The following KMT2C variants were observed in gnomAD, a reference collection of about 807,000 sequenced individuals.
KMT2C encodes the protein lysine methyltransferase 2C.
KMT2C carries 88 observed loss-of-function variants against 507.9 expected under a neutral mutation model. The observed-to-expected ratio is 0.17, with a 90% CI of 0.15 to 0.21. The LOEUF (loss-of-function observed/expected upper bound fraction) is 0.21. KMT2C is among the 10% of genes least tolerant of loss of function. The pLI is 1.00. For synonymous variants in KMT2C, 2,049 were observed against 2,080.8 expected (o/e 0.98, Z 0.42); for missense variants, 4,954 against 5,957.8 (o/e 0.83, Z 5.55).
intron 1 of KMT2C, among the ~76,000 whole-genome samples, chr7:152,430,500 C>G (rs528616463): frequency 4.5e-4 from 68 of 152,308 alleles, no homozygotes; most frequent in African/African-American, 1.6e-3. Flanking sequence ...GTATCTAACA[C>G]GTCCCCACCA....
intron 44 of KMT2C, among the ~76,000 whole-genome samples, 158 bp from the exon 45 acceptor site, chr7:152,156,504 C>G (rs978885859): frequency 1.3e-5 from 2 of 152,110 alleles, no homozygotes; most frequent in African/African-American, 4.8e-5. Flanking sequence ...CCTACAAGGC[C>G]AGGAGGCTTC....
At chr7:152,223,092 T>C (rs1346338255) in intron 20 of KMT2C, among the ~76,000 whole-genome samples, 2 of 152,218 alleles carry the variant, frequency 1.3e-5, no homozygotes, top group African/African-American at 4.8e-5. Context: ...CGATGTTGAA[T>C]GGTAATCGGG....
chr7:152,216,193 C>A (rs911872391), intron 23 of KMT2C, among the ~76,000 whole-genome samples: 3 of 152,150 alleles, frequency 2.0e-5, no homozygotes, highest in Non-Finnish European at 4.4e-5. Flanking sequence ...ACTCTTGAGA[C>A]AAACAGAGTG....
At chr7:152,379,200 C>A (rs1288797758) in intron 1 of KMT2C, among the ~76,000 whole-genome samples, 2 of 152,016 alleles carry the variant, frequency 1.3e-5, no homozygotes, top group African/African-American at 4.8e-5. Context: ...TCTTTTCATT[C>A]TTTCAGTTGA....
chr7:152,154,198 A>T (rs1244489524), intron 47 of KMT2C, 52 bp from the exon 48 acceptor site: 1 of 1,611,084 alleles, frequency 6.2e-7, no homozygotes. Context: ...GATTTTCAAA[A>T]TCAAAATATT....
chr7:152,357,759 G>T (rs2097164181), intron 2 of KMT2C, among the ~76,000 whole-genome samples: 1 of 152,116 alleles, frequency 6.6e-6, no homozygotes, highest in East Asian at 1.9e-4. Context: ...TAGATTATTT[G>T]AAGGCTTTCC....
At chr7:152,321,876 T>C (rs1463224941) in intron 3 of KMT2C, among the ~76,000 whole-genome samples, 3 of 151,886 alleles carry the variant, frequency 2.0e-5, no homozygotes, top group Non-Finnish European at 4.4e-5. Flanking sequence ...CAATGCAATA[T>C]CTATCGAAAT....
intron 18 of KMT2C, among the ~76,000 whole-genome samples, chr7:152,225,307 C>A (rs1291455279): frequency 6.6e-6 from 1 of 152,086 alleles, no homozygotes; most frequent in Non-Finnish European, 1.5e-5. Flanking sequence ...AATAAAACAG[C>A]AAGTAATGAG....
At chr7:152,348,599 T>TAA (rs201530125) in intron 2 of KMT2C, among the ~76,000 whole-genome samples, 2,989 of 48,752 alleles carry the variant, frequency 0.061, 73 homozygotes, top group Middle Eastern at 0.091. Flanking sequence ...AACTCTGTCT[T>TAA]AAAAAAAAAA....
At chr7:152,356,564 C>T (rs897252446) in intron 2 of KMT2C, among the ~76,000 whole-genome samples, 2 of 146,220 alleles carry the variant, frequency 1.4e-5, no homozygotes, top group African/African-American at 2.5e-5. Context: ...GAACAAAGGA[C>T]GAAACTCTGT....
chr7:152,259,774 A>AGCCCT (rs1225369677), intron 9 of KMT2C, among the ~76,000 whole-genome samples: 1 of 152,224 alleles, frequency 6.6e-6, no homozygotes, highest in Non-Finnish European at 1.5e-5. Context: ...CTAGACTGAC[A>AGCCCT]GCCCTGTGGG....
Position 152,220,702 on chromosome 7 carries a change from C to A in KMT2C, c.3533G>T (p.Cys1178Phe), listed in dbSNP as rs2129145735. The change falls in exon 23 of 59, where the codon TGT becomes TTT. Residue 1178 changes from cysteine (C) to phenylalanine (F), a missense_variant. By Grantham distance (205) the Cys-to-Phe change is radical (BLOSUM62 -2). Coordinates refer to ENST00000262189, the MANE Select transcript of KMT2C (RefSeq NM_170606.3). ...PPKTYTQDGV[C>F]LTESGMTQLQ... ...CTGAGTCATCCCTGATTCAGTCAAA[C>A]ACACACCATCCTGGGTATAAGTCTT... is the stretch of plus-strand genomic sequence containing the variant. 6.2e-7 allele frequency: 1 copy of A among 1,610,764 alleles called. No homozygotes were observed. Among genetic ancestry groups the A allele is most frequent in the South Asian group, 1.1e-5 (1 of 90,960 alleles).
chr7:152,309,853 C>T (rs1362623960), intron 6 of KMT2C, 113 bp downstream of exon 6: 3 of 679,836 alleles, frequency 4.4e-6, no homozygotes, highest in East Asian at 5.8e-5. Context: ...TAATAATTTC[C>T]TATTTTGAGA....
At chr7:152,417,462 T>C (rs993919980) in intron 1 of KMT2C, among the ~76,000 whole-genome samples, 7 of 152,124 alleles carry the variant, frequency 4.6e-5, no homozygotes, top group African/African-American at 7.2e-5. Context: ...AATCTTTTAA[T>C]AATCCTGTGA....
intron 1 of KMT2C, among the ~76,000 whole-genome samples, chr7:152,377,753 A>C (rs1463910571): frequency 6.6e-6 from 1 of 151,910 alleles, no homozygotes; most frequent in African/African-American, 2.4e-5. Flanking sequence ...AAAAAAAAAA[A>C]AGTGATTCCT....
At chr7:152,210,550 T>G (rs1338323890) in intron 23 of KMT2C, among the ~76,000 whole-genome samples, 4 of 151,962 alleles carry the variant, frequency 2.6e-5, no homozygotes, top group Admixed American at 2.6e-4. Flanking sequence ...TTTTTTTTTT[T>G]TTAAAAAAGC....
At chr7:152,243,230 C>T (rs201235285) in intron 14 of KMT2C, among the ~76,000 whole-genome samples, 1 of 152,078 alleles carries the variant, frequency 6.6e-6, no homozygotes, top group Admixed American at 6.6e-5. Flanking sequence ...AATTAGGTGG[C>T]ACTAGCAACA....
rs1303962173 is a variant in KMT2C at position 152,181,305 on chromosome 7, T to C, written c.6555A>G (p.Thr2185=). Residue 2185 remains threonine (T), a synonymous_variant, in exon 36 of 59, where the codon ACA becomes ACG. Coordinates refer to ENST00000262189, the MANE Select transcript of KMT2C (RefSeq NM_170606.3). The stretch of plus-strand genomic sequence containing the variant: ...CAGGTGTAACAAACAAGTCAGTTTG[T>C]GTAGATGGTCTTGGGGTTTGGGGCT... The part of the protein sequence containing the change: ...SQQPQTPRPS[T]QTDLFVTPVT... 2 of 1,614,040 alleles carry C rather than the reference T, an allele frequency of 1.2e-6. No homozygotes were observed. The highest frequency in any genetic ancestry group is 1.7e-6 in the Non-Finnish European group (2 of 1,179,992).
intron 6 of KMT2C, among the ~76,000 whole-genome samples, chr7:152,288,470 T>G (rs139633728): frequency 3.3e-5 from 5 of 151,722 alleles, no homozygotes; most frequent in African/African-American, 9.7e-5. Context: ...GGGGCGGAGT[T>G]TGCAGTGAGC....
Sources: allele counts gnomAD v4.1 joint callset (sites outside exome capture counted in the v4.1 genomes callset), GRCh38; gene constraint gnomAD v4.1.1; transcripts MANE v1.5; gene names NCBI Gene and HGNC (gene_info 2026-07-23, HGNC 2026-07-21).